Variants in AGBL4 observed in about 807,000 individuals in gnomAD.
AGBL4 encodes cytosolic carboxypeptidase 6.
AGBL4 carries 58 observed loss-of-function variants against 66.4 expected under a neutral mutation model. The observed-to-expected ratio is 0.87, with a 90% CI of 0.71 to 1.09. AGBL4 has a LOEUF of 1.09. AGBL4 is among the 50% of genes least tolerant of loss of function. The probability of loss-of-function intolerance (pLI) is 0.00; values close to 1 mark genes in which losing one functional copy is unlikely to be tolerated. For missense variants in AGBL4, 579 were observed against 631.0 expected, an observed-to-expected ratio of 0.92 and a Z score of 0.88; for synonymous variants, 234 against 222.9, an observed-to-expected ratio of 1.05 and a Z score of -0.44.
chr1:49,637,117 T>TTGGGAC (rs1301852689), intron 3 of AGBL4, among the ~76,000 whole-genome samples: 1 of 152,126 alleles, frequency 6.6e-6, no homozygotes, highest in Non-Finnish European at 1.5e-5. Flanking sequence ...TTCTTCAGTT[T>TTGGGAC]TGGGACTGGG....
At chr1:49,677,725 G>C (rs900977909) in intron 3 of AGBL4, among the ~76,000 whole-genome samples, 5 of 152,084 alleles carry the variant, frequency 3.3e-5, no homozygotes, top group African/African-American at 1.2e-4. Context: ...TTTGGAGATG[G>C]GGAGTTAGGG....
intron 6 of AGBL4, among the ~76,000 whole-genome samples, chr1:48,716,312 A>G (rs1366257167): frequency 6.6e-6 from 1 of 152,142 alleles, no homozygotes; most frequent in African/African-American, 2.4e-5. Flanking sequence ...TTGGAATCCA[A>G]CAGACTTGGA....
intron 2 of AGBL4, among the ~76,000 whole-genome samples, chr1:49,768,000 A>G (rs1203966418): frequency 6.6e-6 from 1 of 151,474 alleles, no homozygotes; most frequent in Non-Finnish European, 1.5e-5. Flanking sequence ...AAAAAAAAGG[A>G]TCTCAAAGAA....
At chr1:48,773,107 C>A (rs1235887213) in intron 6 of AGBL4, among the ~76,000 whole-genome samples, 1 of 152,034 alleles carries the variant, frequency 6.6e-6, no homozygotes, top group Non-Finnish European at 1.5e-5. Context: ...CAGCACTGGG[C>A]CTGGCATACA....
intron 3 of AGBL4, among the ~76,000 whole-genome samples, chr1:49,615,510 T>C (rs567817084): frequency 7.2e-5 from 11 of 152,096 alleles, no homozygotes; most frequent in Non-Finnish European, 1.2e-4. Flanking sequence ...TATGAAGAGA[T>C]GAGACAGCTG....
chr1:49,693,668 A>T (rs1266623758), intron 3 of AGBL4, among the ~76,000 whole-genome samples: 1 of 152,110 alleles, frequency 6.6e-6, no homozygotes, highest in African/African-American at 2.4e-5. Context: ...ACTATATTGC[A>T]CATTGACTAT....
At position 48,534,042 on chromosome 1, in the gene AGBL4, T is replaced by C; in HGVS notation, c.*131A>G. 2.2e-6 allele frequency: 3 copies of C among 1,379,918 alleles called. No individual in the cohort carries two copies. Among genetic ancestry groups the C allele is most frequent in the East Asian group, 2.5e-5 (1 of 39,824 alleles). The allele number at this position is 1,379,918 out of a possible 1,614,324, so 85.5% of individuals were successfully genotyped here. On this transcript the variant is annotated 3_prime_UTR_variant, in exon 14 of 14. Coordinates refer to ENST00000371839, the MANE Select transcript of AGBL4 (RefSeq NM_032785.4). ...AAATCAGTGATGAAGTTTCTCATTGTATCCCTTCCCTTTCACTAGCCTATG... is the reference window on the plus strand; with the variant it reads ...AAATCAGTGATGAAGTTTCTCATTGCATCCCTTCCCTTTCACTAGCCTATG...
intron 2 of AGBL4, among the ~76,000 whole-genome samples, chr1:49,752,313 T>C (rs1424441994): frequency 1.3e-5 from 2 of 152,244 alleles, no homozygotes; most frequent in African/African-American, 4.8e-5. Context: ...TACTTATTTC[T>C]GCCTTAATTT....
chr1:49,937,646 G>A (rs1363689401), intron 1 of AGBL4, among the ~76,000 whole-genome samples: 1 of 152,156 alleles, frequency 6.6e-6, no homozygotes. Context: ...CTGTCCCTCA[G>A]ACCACAGTGC....
chr1:48,623,775 G>C (rs11807595), intron 9 of AGBL4, among the ~76,000 whole-genome samples: 8,392 of 152,266 alleles, frequency 0.055, 611 homozygotes, highest in African/African-American at 0.17. Context: ...ATGCAGATAG[G>C]AACCTGCTCA....
chr1:48,802,910 T>C (rs1006515563), intron 6 of AGBL4, among the ~76,000 whole-genome samples: 1 of 152,176 alleles, frequency 6.6e-6, no homozygotes, highest in African/African-American at 2.4e-5. Flanking sequence ...CATAGACCTC[T>C]GGTTCCAACC....
chr1:48,990,111 T>C (rs1660493671), intron 5 of AGBL4, among the ~76,000 whole-genome samples: 1 of 152,196 alleles, frequency 6.6e-6, no homozygotes, highest in Admixed American at 6.5e-5. Context: ...GTAGTTTTGG[T>C]TTGCATTTCT....
intron 6 of AGBL4, among the ~76,000 whole-genome samples, chr1:48,731,989 G>A (rs1452986178): frequency 1.3e-5 from 2 of 152,106 alleles, no homozygotes; most frequent in Non-Finnish European, 2.9e-5. Flanking sequence ...CTATGAGAAG[G>A]GCAGTACTGT....
At chr1:49,169,691 T>C (rs1243578219) in intron 4 of AGBL4, among the ~76,000 whole-genome samples, 5 of 152,170 alleles carry the variant, frequency 3.3e-5, no homozygotes, top group Admixed American at 3.3e-4. Context: ...AGTGATTCTA[T>C]GTGCCGGGCA....
rs145935880 is a variant in AGBL4, at chr1:48,634,222, A to G, written c.951+271T>C. 5 of 219,892 alleles carry G rather than the reference A, an allele frequency of 2.3e-5. No individual in the cohort carries two copies. In the East Asian group the frequency reaches 4.9e-4, roughly 21 times the overall value. 13.6% of individuals were successfully genotyped at this position (219,892 alleles called of 1,614,324 possible). A position where few individuals can be genotyped will look rare whatever the true frequency, so the allele number is the denominator to read the frequency against. ...CTATTTCTTTAGCTTGTAACCAAAG[A>G]TCCCTGACAAATATGGATACACTCC... On this transcript the variant is annotated intron_variant, in intron 9 of 13. Coordinates refer to ENST00000371839, the MANE Select transcript of AGBL4 (RefSeq NM_032785.4).
At chr1:48,965,715 G>GC (rs1328394878) in intron 5 of AGBL4, among the ~76,000 whole-genome samples, 1 of 152,142 alleles carries the variant, frequency 6.6e-6, no homozygotes. Context: ...GTTGGCAGAG[G>GC]CCTTCTGCAT....
At chr1:48,749,652 G>A (rs1201558052) in intron 6 of AGBL4, among the ~76,000 whole-genome samples, 4 of 152,154 alleles carry the variant, frequency 2.6e-5, no homozygotes, top group Non-Finnish European at 5.9e-5. Flanking sequence ...TAGGGGGTCT[G>A]TGAAAAGCCC....
chr1:48,788,197 G>T (rs149685483), intron 6 of AGBL4, among the ~76,000 whole-genome samples: 1 of 152,324 alleles, frequency 6.6e-6, no homozygotes, highest in African/African-American at 2.4e-5. Context: ...AAAGTGCCTG[G>T]CAGGCACAGT....
chr1:49,497,404 C>A (rs1169312891), intron 3 of AGBL4, among the ~76,000 whole-genome samples: 2 of 151,750 alleles, frequency 1.3e-5, no homozygotes, highest in Non-Finnish European at 2.9e-5. Flanking sequence ...AATTTTGATG[C>A]CTGTGTTTTG....
Sources: allele counts gnomAD v4.1 joint callset (sites outside exome capture counted in the v4.1 genomes callset), GRCh38; gene constraint gnomAD v4.1.1; transcripts MANE v1.5; gene names NCBI Gene and HGNC (gene_info 2026-07-23, HGNC 2026-07-21).